SLC35D4: variants seen among roughly 807,000 people sequenced by gnomAD.
SLC35D4 encodes the protein solute carrier family 35 member D4.
the SLC35D4 span, among the ~76,000 whole-genome samples, chr18:23,409,582 C>T: frequency 6.6e-6 from 1 of 152,180 alleles, no homozygotes; most frequent in Admixed American, 6.5e-5. Flanking sequence ...GGTTTACGCC[C>T]TGTAATCCCA....
chr18:23,247,649 G>A, the SLC35D4 span, among the ~76,000 whole-genome samples: 2 of 152,248 alleles, frequency 1.3e-5, no homozygotes, highest in Non-Finnish European at 2.9e-5. Flanking sequence ...TGTGCACTGG[G>A]CCGCCGGGCA....
At chr18:23,307,189 C>T in the SLC35D4 span, among the ~76,000 whole-genome samples, 13 of 152,310 alleles carry the variant, frequency 8.5e-5, no homozygotes, top group African/African-American at 1.7e-4. Flanking sequence ...GAAGGATGAG[C>T]GACTTTCGCT....
the SLC35D4 span, among the ~76,000 whole-genome samples, chr18:23,311,396 CTTT>C: frequency 6.8e-6 from 1 of 146,592 alleles, no homozygotes; most frequent in African/African-American, 2.5e-5. Context: ...CCTGGCCCTT[CTTT>C]TTTTTTTTTT....
At chr18:23,418,745 A>G in the SLC35D4 span, among the ~76,000 whole-genome samples, 1 of 151,206 alleles carries the variant, frequency 6.6e-6, no homozygotes, top group Non-Finnish European at 1.5e-5. Context: ...CGGTGGCTCA[A>G]GCCTGTAATC....
the SLC35D4 span, among the ~76,000 whole-genome samples, chr18:23,341,861 C>T: frequency 6.6e-6 from 1 of 152,082 alleles, no homozygotes; most frequent in South Asian, 2.1e-4. Context: ...ATTAAAAATC[C>T]TCCCTCTTCT....
the SLC35D4 span, among the ~76,000 whole-genome samples, chr18:23,287,040 C>A: frequency 4.0e-5 from 6 of 151,452 alleles, no homozygotes; most frequent in South Asian, 6.3e-4. Flanking sequence ...CGCTCAATAC[C>A]AATATCCCAT....
At chr18:23,365,604 C>A in the SLC35D4 span, 9 of 1,611,552 alleles carry the variant, frequency 5.6e-6, no homozygotes, top group Non-Finnish European at 7.6e-6. Flanking sequence ...GTCAAACAGA[C>A]AAACAAAACA....
chr18:23,373,813 G>T, the SLC35D4 span: 1 of 1,599,402 alleles, frequency 6.3e-7, no homozygotes, highest in South Asian at 1.1e-5. Flanking sequence ...AACATCAAAG[G>T]TTTCCCTAAG....
the SLC35D4 span, among the ~76,000 whole-genome samples, chr18:23,416,492 G>T: frequency 6.6e-6 from 1 of 152,270 alleles, no homozygotes; most frequent in Admixed American, 6.5e-5. Context: ...AGAAAACAAA[G>T]CCCAGGAGGA....
the SLC35D4 span, chr18:23,254,011 C>A: frequency 8.0e-7 from 1 of 1,253,262 alleles, no homozygotes; most frequent in South Asian, 1.2e-5. Flanking sequence ...AGGATTCGGT[C>A]AGTGACCCTG....
chr18:23,253,922 A>T, the SLC35D4 span: 1 of 1,614,136 alleles, frequency 6.2e-7, no homozygotes, highest in Non-Finnish European at 8.5e-7. Flanking sequence ...ACACGAAGTC[A>T]AGCATTTAAT....
chr18:23,410,755 C>T, the SLC35D4 span, among the ~76,000 whole-genome samples: 1 of 152,156 alleles, frequency 6.6e-6, no homozygotes, highest in Admixed American at 6.5e-5. Context: ...CAAGATCGCA[C>T]CACTGCACTC....
the SLC35D4 span, among the ~76,000 whole-genome samples, chr18:23,249,823 A>C: frequency 1.3e-5 from 2 of 151,720 alleles, no homozygotes; most frequent in African/African-American, 2.4e-5. Flanking sequence ...TTGTCTAGGG[A>C]GCTACTCTGT....
At chr18:23,431,040 G>C in the SLC35D4 span, among the ~76,000 whole-genome samples, 2 of 150,180 alleles carry the variant, frequency 1.3e-5, no homozygotes, top group East Asian at 4.0e-4. Context: ...TGTAGTCCCA[G>C]TTACTCAGGA....
chr18:23,290,630 CTT>C, the SLC35D4 span, among the ~76,000 whole-genome samples: 220 of 137,932 alleles, frequency 1.6e-3, no homozygotes, highest in Middle Eastern at 3.6e-3. Flanking sequence ...CTCTGAAATT[CTT>C]TTTTTTTTTT....
chr18:23,246,455 G>GCA, the SLC35D4 span, among the ~76,000 whole-genome samples: 38 of 151,908 alleles, frequency 2.5e-4, 1 homozygote, highest in Admixed American at 2.5e-3. Context: ...GCAGTGGCAA[G>GCA]ATCTTGGCTC....
At chr18:23,253,608 C>T in the SLC35D4 span, 5 of 813,112 alleles carry the variant, frequency 6.1e-6, no homozygotes, top group South Asian at 8.8e-5. Context: ...GGACTTAATC[C>T]CAGTCCAGAT....
At chr18:23,353,076 A>AGTGTGTGTGTGTGTGTGTGTGTGT in the SLC35D4 span, among the ~76,000 whole-genome samples, 652 of 126,562 alleles carry the variant, frequency 5.2e-3, 20 homozygotes, top group East Asian at 0.019. Flanking sequence ...TGAGACAGAC[A>AGTGTGTGTGTGTGTGTGTGTGTGT]GTGTGTGTGT....
At chr18:23,402,392 T>C in the SLC35D4 span, among the ~76,000 whole-genome samples, 1 of 152,218 alleles carries the variant, frequency 6.6e-6, no homozygotes, top group Non-Finnish European at 1.5e-5. Flanking sequence ...GGGTAGTATA[T>C]GCAAGAAACG....
Sources: allele counts gnomAD v4.1 joint callset (sites outside exome capture counted in the v4.1 genomes callset), GRCh38; gene constraint gnomAD v4.1.1; transcripts MANE v1.5; gene names NCBI Gene and HGNC (gene_info 2026-07-23, HGNC 2026-07-21).